HDLBP: variants seen among roughly 807,000 people sequenced by gnomAD.
HDLBP encodes the protein vigilin.
Under a neutral mutation model 137.3 loss-of-function variants are expected in HDLBP, and 30 were observed. That is an observed-to-expected ratio of 0.22 (90% CI 0.16 to 0.30). The LOEUF (loss-of-function observed/expected upper bound fraction) is 0.30. Ranked by LOEUF, HDLBP falls within the 10% of genes least tolerant of loss-of-function variation. The pLI is 1.00. For synonymous variants in HDLBP, 606 were observed against 596.0 expected (o/e 1.02, Z -0.24); for missense variants, 1,119 against 1,667.3 (o/e 0.67, Z 5.73).
intron 5 of HDLBP, among the ~76,000 whole-genome samples, chr2:241,258,346 C>CAA (rs34675892): frequency 0.014 from 767 of 55,426 alleles, 25 homozygotes; most frequent in East Asian, 0.039. Context: ...GACTCCGTCT[C>CAA]AAAAAAAAAA....
Position 241,238,553 on chromosome 2 carries a change from G to A in HDLBP, c.2749+96C>T. ...AATACATAGATGGTTTTCCAGCAGA[G>A]ACAGGAAAGAGCCTCACCAGTATGT... On this transcript the variant is annotated intron_variant, in intron 20 of 27. Coordinates refer to ENST00000310931, the MANE Select transcript of HDLBP (RefSeq NM_005336.6). The surrounding 1 kb of genome is among the most constrained non-coding windows in gnomAD (Gnocchi z 4.9). 2.0e-6 allele frequency: 2 copies of A among 988,484 alleles called. No individual in the cohort carries two copies. Among genetic ancestry groups the A allele is most frequent in the Non-Finnish European group, 2.9e-6 (2 of 701,050 alleles). The allele number at this position is 988,484 out of a possible 1,614,324, so 61.2% of individuals were successfully genotyped here. A position where few individuals can be genotyped will look rare whatever the true frequency, so the allele number is the denominator to read the frequency against.
Position 241,311,944 on chromosome 2 carries a change from CAG to C in HDLBP, c.-103+3624_-103+3625del, listed in dbSNP as rs376468523. On this transcript the variant is annotated intron_variant, in intron 1 of 27. Coordinates refer to ENST00000310931, the MANE Select transcript of HDLBP (RefSeq NM_005336.6). ...TCAAGCGAAGAGACATCACATGAAA[CAG>C]GGGTAGGAGACACAAATACAGACGT... Among the ~76,000 whole-genome samples, 21 of 152,274 alleles carry C rather than the reference CAG, an allele frequency of 1.4e-4. 1 individual carries two copies. The highest frequency in any genetic ancestry group is 4.1e-4 in the South Asian group (2 of 4,824).
intron 1 of HDLBP, among the ~76,000 whole-genome samples, chr2:241,281,980 A>G (rs1258396320): frequency 6.6e-6 from 1 of 152,200 alleles, no homozygotes; most frequent in African/African-American, 2.4e-5. Flanking sequence ...TTATATAACA[A>G]TCTTAAGGAA....
Position 241,264,482 on chromosome 2 carries a change from T to C in HDLBP, c.200A>G (p.Lys67Arg). The C allele has an allele frequency of 6.2e-7, 1 of 1,613,718 alleles. No homozygotes were observed. ...AQEPAGAWGN[K>R]IRPIKASVIT... The stretch of plus-strand genomic sequence containing the variant: ...GACAGAAGCCTTGATGGGTCGGATC[T>C]TGTTCCCCCAGGCTCCAGCGGGTTC... Residue 67 changes from lysine to arginine, a missense_variant, in exon 4 of 28, where the codon AAG (lysine) becomes AGG (arginine). By Grantham distance (26) the Lys-to-Arg change is conservative (BLOSUM62 2). This residue lies in a region of HDLBP where 59 missense variants were observed against 92.4 expected (regional missense o/e 0.64). Coordinates refer to ENST00000310931, the MANE Select transcript of HDLBP (RefSeq NM_005336.6).
rs1559533406 is a variant in HDLBP, at chr2:241,272,654, C to G, written c.-102-4113G>C. 1.1e-6 allele frequency: 1 copy of G among 932,154 alleles called. No homozygotes were observed. The highest frequency in any genetic ancestry group is 1.8e-5 in the African/African-American group (1 of 55,498). The allele number at this position is 932,154 out of a possible 1,614,324, so 57.7% of individuals were successfully genotyped here. A position where few individuals can be genotyped will look rare whatever the true frequency, so the allele number is the denominator to read the frequency against. ...GGCCGCGGCACCCGGGCCCCTCCCC[C>G]TCCGCGGCCTCCACGTCAGCAGCCA... is the stretch of plus-strand genomic sequence containing the variant. On this transcript the variant is annotated intron_variant, in intron 1 of 27. Transcript: ENST00000310931. The surrounding 1 kb of genome is among the most constrained non-coding windows in gnomAD (Gnocchi z 5.6).
At chr2:241,307,323 G>A (rs1197409752) in intron 1 of HDLBP, among the ~76,000 whole-genome samples, 1 of 152,242 alleles carries the variant, frequency 6.6e-6, no homozygotes, top group Non-Finnish European at 1.5e-5. Context: ...CTTGCTGACT[G>A]TTGACTTTGA....
At chr2:241,277,492 C>T (rs555111288) in intron 1 of HDLBP, among the ~76,000 whole-genome samples, 1 of 152,218 alleles carries the variant, frequency 6.6e-6, no homozygotes, top group Admixed American at 6.5e-5. Context: ...GGGTCAAAAA[C>T]TACAGCTAAA....
At chr2:241,266,932 A>T (rs375449245) in intron 2 of HDLBP, 26 bp from the exon 3 acceptor site, 574 of 1,511,198 alleles carry the variant, frequency 3.8e-4, no homozygotes, top group Non-Finnish European at 5.0e-4. Flanking sequence ...ATAAATCAGA[A>T]GTCAAAGTAC....
chr2:241,292,899 G>A (rs903223094), intron 1 of HDLBP, among the ~76,000 whole-genome samples: 6 of 152,196 alleles, frequency 3.9e-5, no homozygotes, highest in African/African-American at 9.7e-5. Context: ...CAGGTGTGGC[G>A]GTGTACACCT....
At chr2:241,297,455 C>T (rs2075220679) in intron 1 of HDLBP, among the ~76,000 whole-genome samples, 1 of 152,164 alleles carries the variant, frequency 6.6e-6, no homozygotes, top group Non-Finnish European at 1.5e-5. Flanking sequence ...TAAACTCATG[C>T]TTTTCAATAC....
At chr2:241,281,063 A>G (rs1009102806) in intron 1 of HDLBP, among the ~76,000 whole-genome samples, 1 of 152,244 alleles carries the variant, frequency 6.6e-6, no homozygotes, top group Non-Finnish European at 1.5e-5. Flanking sequence ...TATTTTCTTA[A>G]TAAGATGGGG....
Position 241,256,945 on chromosome 2 carries a change from G to A in HDLBP, c.451-139C>T, listed in dbSNP as rs554381689. On this transcript the variant is annotated intron_variant, in intron 5 of 27. Transcript: ENST00000310931. ...ACCAACTCATCCATTAAAACAGCAT[G>A]AGCTTAAACATCACATGCTTGGGGA... 148 of 726,468 alleles carry A rather than the reference G, an allele frequency of 2.0e-4. No homozygotes were observed. In the South Asian group the frequency reaches 2.6e-3, roughly 13 times the overall value. The allele number at this position is 726,468 out of a possible 1,614,324, so 45.0% of individuals were successfully genotyped here. A position where few individuals can be genotyped will look rare whatever the true frequency, so the allele number is the denominator to read the frequency against.
intron 1 of HDLBP, chr2:241,273,599 C>A (rs992575937): frequency 2.0e-6 from 2 of 985,118 alleles, no homozygotes; most frequent in Non-Finnish European, 2.4e-6. Context: ...TAAAGGGAGT[C>A]GAGCAATCTG....
rs1330269508 is a variant in HDLBP, at chr2:241,300,377, G to A, written c.-103+15193C>T. Among the ~76,000 whole-genome samples, 7 of 152,270 alleles carry A rather than the reference G, an allele frequency of 4.6e-5. No individual in the cohort carries two copies. The East Asian group carries it at 1.4e-3, about 29-fold the overall frequency. ...ACCCACGACATGTAACAGGAACACT[G>A]CCCAGCGAGAATTAGGAATATTTAA... On this transcript the variant is annotated intron_variant, in intron 1 of 27. Coordinates refer to ENST00000310931, the MANE Select transcript of HDLBP (RefSeq NM_005336.6).
intron 1 of HDLBP, among the ~76,000 whole-genome samples, chr2:241,306,331 G>T (rs758921983): frequency 1.6e-4 from 24 of 150,930 alleles, no homozygotes; most frequent in Non-Finnish European, 2.5e-4. Flanking sequence ...GCGTGATCTC[G>T]GCTCACTGCA....
In HDLBP at chr2:241,242,664, C is replaced by T. The variant is rs2071358746; in HGVS notation, c.1965G>A (p.Glu655=). ...GCTTGGCAGGGATGGAGACCTCTAC[C>T]TCGGCTATGTTGGCCTGAAACCAAA... is the stretch of plus-strand genomic sequence containing the variant. ...SIQKDLANIA[E]VEVSIPAKLH... The change falls in exon 17 of 28, where the codon GAG becomes GAA. Residue 655 remains glutamate, a synonymous_variant. Transcript: ENST00000310931. The T allele has an allele frequency of 6.2e-7, 1 of 1,613,734 alleles. No homozygotes were observed. The highest frequency in any genetic ancestry group is 8.5e-7 in the Non-Finnish European group (1 of 1,179,840).
At chr2:241,270,167 G>A (rs2073946523) in intron 1 of HDLBP, among the ~76,000 whole-genome samples, 1 of 152,200 alleles carries the variant, frequency 6.6e-6, no homozygotes, top group Non-Finnish European at 1.5e-5. Context: ...CCCTTCAGAA[G>A]CCAAGTCCAG....
chr2:241,277,295 A>G (rs2074425389), intron 1 of HDLBP, among the ~76,000 whole-genome samples: 2 of 152,154 alleles, frequency 1.3e-5, no homozygotes, highest in African/African-American at 4.8e-5. Flanking sequence ...CTAGAACAAA[A>G]AACACCAGAA....
chr2:241,281,695 T>C (rs922578672), intron 1 of HDLBP, among the ~76,000 whole-genome samples: 2 of 152,232 alleles, frequency 1.3e-5, no homozygotes, highest in Non-Finnish European at 2.9e-5. Context: ...GTCTAAAATA[T>C]ACATCAGATT....
Sources: allele counts gnomAD v4.1 joint callset (sites outside exome capture counted in the v4.1 genomes callset), GRCh38; gene constraint gnomAD v4.1.1; regional missense constraint gnomAD v4.1.1; non-coding constraint Gnocchi (gnomAD v3.1); transcripts MANE v1.5; gene names NCBI Gene and HGNC (gene_info 2026-07-23, HGNC 2026-07-21).